Variants in BMP7 observed in about 807,000 individuals in gnomAD.
The protein encoded by BMP7 is osteogenic protein 1.
A neutral mutation model predicts 41.2 loss-of-function variants in BMP7; 12 were observed. That is an observed-to-expected ratio of 0.29 (90% CI 0.19 to 0.47). The LOEUF (loss-of-function observed/expected upper bound fraction) is 0.47, where lower values mean the gene tolerates loss of function less well. BMP7 is among the 20% of genes least tolerant of loss of function. BMP7 has a pLI of 0.99. For missense variants in BMP7, 467 were observed against 606.0 expected (o/e 0.77, Z 2.41); for synonymous variants, 248 against 250.0 (o/e 0.99, Z 0.07).
chr20:57,217,988 G>A (rs1985072813), intron 2 of BMP7, among the ~76,000 whole-genome samples: 1 of 152,190 alleles, frequency 6.6e-6, no homozygotes, highest in Non-Finnish European at 1.5e-5. Flanking sequence ...GGGGCTGAAA[G>A]GTATCTGTAT....
rs2066178020 is a variant in BMP7 at position 57,266,207 on chromosome 20, C to T, written c.-85G>A. The T allele has an allele frequency of 7.5e-7, 1 of 1,335,230 alleles. No individual in the cohort carries two copies. 82.7% of individuals were successfully genotyped at this position (1,335,230 alleles called of 1,614,324 possible). On this transcript the variant is annotated 5_prime_UTR_variant, in exon 1 of 7. Transcript: ENST00000395863. ...CAGAGGGGGCAGGCGGCCGTCCGCG[C>T]CGCTCGGTCACTTGCTGCAGACGGG...
At position 57,248,279 on chromosome 20, in the gene BMP7, A is replaced by T. The variant is rs7271905; in HGVS notation, c.418+17426T>A. Among the ~76,000 whole-genome samples the T allele has an allele frequency of 4.4e-3, 666 of 152,330 alleles. 3 individuals carry two copies. Among genetic ancestry groups the T allele is most frequent in the African/African-American group, 0.015 (633 of 41,588 alleles). ...AAAGAGGGAGAGAGAAACCATTTCA[A>T]TCATTTGAATGTGGCCACCCAACAA... On this transcript the variant is annotated intron_variant, in intron 1 of 6. Coordinates refer to ENST00000395863, the MANE Select transcript of BMP7 (RefSeq NM_001719.3).
chr20:57,229,516 G>T (rs1184218335), intron 1 of BMP7, among the ~76,000 whole-genome samples: 1 of 152,178 alleles, frequency 6.6e-6, no homozygotes, highest in Non-Finnish European at 1.5e-5. Context: ...GGCTCCTGTG[G>T]ATCATGCCCC....
At chr20:57,250,923 G>T (rs1182067059) in intron 1 of BMP7, among the ~76,000 whole-genome samples, 1 of 152,212 alleles carries the variant, frequency 6.6e-6, no homozygotes, top group Non-Finnish European at 1.5e-5. Context: ...TTCAGCTGAG[G>T]TATCATCGCA....
intron 1 of BMP7, among the ~76,000 whole-genome samples, chr20:57,255,953 G>A (rs2066132860): frequency 6.6e-6 from 1 of 152,142 alleles, no homozygotes; most frequent in Admixed American, 6.5e-5. Flanking sequence ...CACCTCATTA[G>A]CCAGGAGCAG....
intron 3 of BMP7, among the ~76,000 whole-genome samples, chr20:57,186,153 G>A (rs1466895888): frequency 1.3e-5 from 2 of 152,220 alleles, no homozygotes; most frequent in African/African-American, 2.4e-5. Context: ...GGATGAGCTC[G>A]CCTGGGGAAA....
chr20:57,180,080 G>T (rs1431146128), intron 4 of BMP7, among the ~76,000 whole-genome samples: 4 of 152,110 alleles, frequency 2.6e-5, no homozygotes, highest in Non-Finnish European at 5.9e-5. Flanking sequence ...CTGCCTGGAT[G>T]ATCTGCCACA....
intron 3 of BMP7, among the ~76,000 whole-genome samples, chr20:57,188,492 C>T (rs923269994): frequency 2.7e-5 from 4 of 145,610 alleles, no homozygotes; most frequent in African/African-American, 2.6e-5. Context: ...CGGAGTGATA[C>T]GGAAACGTTC....
intron 3 of BMP7, among the ~76,000 whole-genome samples, chr20:57,185,049 C>A (rs910763905): frequency 1.3e-5 from 2 of 152,090 alleles, no homozygotes; most frequent in Admixed American, 6.6e-5. Flanking sequence ...GTTTATAAGG[C>A]CACTCAGGCT....
At chr20:57,217,742 C>G (rs750465902) in intron 2 of BMP7, among the ~76,000 whole-genome samples, 3 of 152,148 alleles carry the variant, frequency 2.0e-5, no homozygotes, top group Non-Finnish European at 4.4e-5. Flanking sequence ...CTGGACAGGA[C>G]AGAAGGACAA....
chr20:57,182,304 C>A (rs762265425), intron 4 of BMP7, among the ~76,000 whole-genome samples: 1 of 152,176 alleles, frequency 6.6e-6, no homozygotes, highest in Non-Finnish European at 1.5e-5. Context: ...GGCCAGCCCA[C>A]CTCCAAAGCT....
At chr20:57,236,030 C>T (rs1042034640) in intron 1 of BMP7, among the ~76,000 whole-genome samples, 13 of 152,148 alleles carry the variant, frequency 8.5e-5, no homozygotes, top group Non-Finnish European at 1.8e-4. Flanking sequence ...CCCTCCTCCT[C>T]CCTCCTGGCA....
Position 57,170,978 on chromosome 20 carries a change from C to T in BMP7, c.1277G>A (p.Arg426Gln), listed in dbSNP as rs751458817. 65 of 1,613,532 alleles carry T rather than the reference C, an allele frequency of 4.0e-5. No individual in the cohort carries two copies. Among genetic ancestry groups the T allele is most frequent in the East Asian group, 1.6e-4 (7 of 44,882 alleles). Residue 426 changes from arginine to glutamine, a missense_variant, in exon 7 of 7, where the codon CGG (arginine) becomes CAG (glutamine). This residue lies in a region of BMP7 where 60 missense variants were observed against 120.1 expected (regional missense o/e 0.50). Transcript: ENST00000395863. ...ILKKYRNMVV[R>Q]ACGCH ...GAGGAGCTAGTGGCAGCCACAGGCCCGGACCACCATGTTTCTGTATTTCTT... is the reference window on the plus strand; with the variant it reads ...GAGGAGCTAGTGGCAGCCACAGGCCTGGACCACCATGTTTCTGTATTTCTT...
In BMP7 at chr20:57,228,498, A is replaced by G; in HGVS notation, c.419-77T>C. 1 of 1,551,586 alleles carries G rather than the reference A, an allele frequency of 6.4e-7. No individual in the cohort carries two copies. Among genetic ancestry groups the G allele is most frequent in the Non-Finnish European group, 8.9e-7 (1 of 1,123,904 alleles). ...GTTTCACTCTCTGGCTCTGAGTCCA[A>G]GCATCTTGCCTAAGCTAGATGGAGG... On this transcript the variant is annotated intron_variant, in intron 1 of 6. Coordinates refer to ENST00000395863, the MANE Select transcript of BMP7 (RefSeq NM_001719.3). The surrounding 1 kb of genome is among the most constrained non-coding windows in gnomAD (Gnocchi z 4.5).
intron 1 of BMP7, among the ~76,000 whole-genome samples, chr20:57,237,168 A>G (rs1358472246): frequency 6.6e-6 from 1 of 152,192 alleles, no homozygotes; most frequent in Non-Finnish European, 1.5e-5. Flanking sequence ...AGCATTCTTC[A>G]GCTCCAGTTA....
chr20:57,193,057 T>C (rs543269446), intron 3 of BMP7, among the ~76,000 whole-genome samples: 28 of 152,150 alleles, frequency 1.8e-4, no homozygotes, highest in African/African-American at 5.3e-4. Flanking sequence ...GGTTTCTTCA[T>C]TGGGACTCAG....
intron 3 of BMP7, among the ~76,000 whole-genome samples, chr20:57,199,392 T>C (rs1984572441): frequency 6.6e-6 from 1 of 152,212 alleles, no homozygotes; most frequent in East Asian, 1.9e-4. Context: ...GGCTAAGGAA[T>C]AAAAAGCTAC....
chr20:57,196,429 C>A (rs1984493081), intron 3 of BMP7, among the ~76,000 whole-genome samples: 1 of 152,236 alleles, frequency 6.6e-6, no homozygotes, highest in Non-Finnish European at 1.5e-5. Flanking sequence ...GCCAAATCTT[C>A]ATTTTGTTCA....
intron 1 of BMP7, among the ~76,000 whole-genome samples, chr20:57,229,529 C>T (rs2066020568): frequency 6.6e-6 from 1 of 152,182 alleles, no homozygotes; most frequent in African/African-American, 2.4e-5. Flanking sequence ...CATGCCCCCT[C>T]TGGACCAACA....
Sources: allele counts gnomAD v4.1 joint callset (sites outside exome capture counted in the v4.1 genomes callset), GRCh38; gene constraint gnomAD v4.1.1; regional missense constraint gnomAD v4.1.1; non-coding constraint Gnocchi (gnomAD v3.1); transcripts MANE v1.5; gene names NCBI Gene and HGNC (gene_info 2026-07-23, HGNC 2026-07-21).